NKAIN2: variants seen among roughly 807,000 people sequenced by gnomAD.
NKAIN2 encodes sodium/potassium-transporting ATPase subunit beta-1-interacting protein 2.
In NKAIN2, 14 loss-of-function variants were observed where a neutral mutation model predicts 32.6. The observed-to-expected ratio is 0.43, with a 90% CI of 0.28 to 0.67. NKAIN2 has a LOEUF of 0.67. Ranked by LOEUF, NKAIN2 falls within the 30% of genes least tolerant of loss-of-function variation. The pLI is 0.17. For synonymous variants in NKAIN2, 80 were observed against 87.2 expected, an observed-to-expected ratio of 0.92 and a Z score of 0.46; for missense variants, 198 against 258.3, an observed-to-expected ratio of 0.77 and a Z score of 1.60.
In NKAIN2 at chr6:124,160,423, A is replaced by C. The variant is rs540500269; in HGVS notation, c.55-122582A>C. On this transcript the variant is annotated intron_variant, in intron 1 of 6. Transcript: ENST00000368417. ...CCTTGAAAGAGCTGTATGTGGGAAC[A>C]ACTGTATTTTCTACATTAAATTTAT... 7.9e-5 allele frequency among the ~76,000 whole-genome samples: 12 copies of C among 152,282 alleles called. No individual in the cohort carries two copies. In the East Asian group the frequency reaches 1.9e-3, roughly 25 times the overall value.
chr6:124,359,933 T>G (rs1389957981), intron 3 of NKAIN2, among the ~76,000 whole-genome samples: 1 of 152,154 alleles, frequency 6.6e-6, no homozygotes, highest in Admixed American at 6.5e-5. Context: ...TCTTATTATT[T>G]TGAGATATGT....
At chr6:124,760,597 AT>A (rs1295445204) in intron 4 of NKAIN2, among the ~76,000 whole-genome samples, 2 of 151,618 alleles carry the variant, frequency 1.3e-5, no homozygotes, top group East Asian at 1.9e-4. Flanking sequence ...CCAATACCAG[AT>A]TTTTTTTGCT....
At chr6:124,667,414 G>A (rs1772858949) in intron 4 of NKAIN2, among the ~76,000 whole-genome samples, 1 of 151,902 alleles carries the variant, frequency 6.6e-6, no homozygotes, top group Non-Finnish European at 1.5e-5. Flanking sequence ...AATTATTTCA[G>A]GAAGAAGTGA....
chr6:124,613,872 G>A (rs1161299253), intron 3 of NKAIN2, among the ~76,000 whole-genome samples: 1 of 152,078 alleles, frequency 6.6e-6, no homozygotes, highest in African/African-American at 2.4e-5. Context: ...AAACCTAGAA[G>A]ATGCCATTAA....
chr6:124,645,733 G>T (rs924128181), intron 3 of NKAIN2, among the ~76,000 whole-genome samples: 1 of 152,096 alleles, frequency 6.6e-6, no homozygotes, highest in Non-Finnish European at 1.5e-5. Context: ...TTTAAGGAAG[G>T]CTCCAACATG....
intron 2 of NKAIN2, among the ~76,000 whole-genome samples, chr6:124,344,401 G>C (rs1395348179): frequency 2.6e-5 from 4 of 151,750 alleles, no homozygotes; most frequent in Non-Finnish European, 4.4e-5. Flanking sequence ...GGATGGCATT[G>C]AATCTATAAA....
Position 124,698,809 on chromosome 6 carries a change from T to A in NKAIN2, c.474+40423T>A, listed in dbSNP as rs554621410. ...ATTTACAAAACGTAGGGGGAAGTTATTTAGGAACAAGAGAATTTCCACAGA... is the reference window on the plus strand; with the variant it reads ...ATTTACAAAACGTAGGGGGAAGTTAATTAGGAACAAGAGAATTTCCACAGA... On this transcript the variant is annotated intron_variant, in intron 4 of 6. Transcript: ENST00000368417. Among the ~76,000 whole-genome samples, 3 of 152,326 alleles carry A rather than the reference T, an allele frequency of 2.0e-5. No individual in the cohort carries two copies. In the South Asian group the frequency reaches 6.2e-4, roughly 32 times the overall value.
chr6:124,500,759 T>C (rs868707866), intron 3 of NKAIN2, among the ~76,000 whole-genome samples: 50 of 152,128 alleles, frequency 3.3e-4, no homozygotes, highest in African/African-American at 1.1e-3. Flanking sequence ...TATAGTCACG[T>C]GCTGGATTGT....
chr6:124,438,451 C>T (rs1246609616), intron 3 of NKAIN2, among the ~76,000 whole-genome samples: 1 of 152,156 alleles, frequency 6.6e-6, no homozygotes, highest in Non-Finnish European at 1.5e-5. Flanking sequence ...CAACCTCTAA[C>T]TTAAACTCAG....
At chr6:124,415,682 T>C (rs1277975942) in intron 3 of NKAIN2, among the ~76,000 whole-genome samples, 1 of 152,118 alleles carries the variant, frequency 6.6e-6, no homozygotes. Flanking sequence ...GTAACCAGCC[T>C]TCATCCTGAA....
At chr6:124,592,860 T>G (rs1781960564) in intron 3 of NKAIN2, among the ~76,000 whole-genome samples, 1 of 152,180 alleles carries the variant, frequency 6.6e-6, no homozygotes, top group South Asian at 2.1e-4. Flanking sequence ...GGGCATGGAA[T>G]ATGAACTCAA....
chr6:124,198,945 CT>C (rs1790465269), intron 1 of NKAIN2, among the ~76,000 whole-genome samples: 2 of 152,120 alleles, frequency 1.3e-5, no homozygotes, highest in African/African-American at 4.8e-5. Context: ...GTGTGGGACA[CT>C]TTGCGCCTTT....
At chr6:124,533,471 C>CAAACAAAAAAAAAAA (rs1779602376) in intron 3 of NKAIN2, among the ~76,000 whole-genome samples, 1 of 58,982 alleles carries the variant, frequency 1.7e-5, no homozygotes, top group Non-Finnish European at 3.0e-5. Context: ...GACTCTGTCT[C>CAAACAAAAAAAAAAA]AAAAAAAAAA....
At chr6:124,007,058 A>G (rs979265656) in intron 1 of NKAIN2, among the ~76,000 whole-genome samples, 1 of 152,168 alleles carries the variant, frequency 6.6e-6, no homozygotes, top group South Asian at 2.1e-4. Flanking sequence ...AAAAACCTCA[A>G]TGGAATTGCC....
chr6:124,490,309 A>G (rs1562217531), intron 3 of NKAIN2: 1 of 410,498 alleles, frequency 2.4e-6, no homozygotes, highest in Non-Finnish European at 4.7e-6. Flanking sequence ...ACCACCAATT[A>G]GAGAATGACA....
intron 5 of NKAIN2, among the ~76,000 whole-genome samples, chr6:124,811,426 T>C (rs1172877773): frequency 6.6e-6 from 1 of 152,172 alleles, no homozygotes; most frequent in Non-Finnish European, 1.5e-5. Context: ...GAACTCAGTG[T>C]TCATGATTAA....
chr6:124,325,773 T>C (rs1256031984), intron 2 of NKAIN2, among the ~76,000 whole-genome samples: 1 of 152,132 alleles, frequency 6.6e-6, no homozygotes, highest in East Asian at 1.9e-4. Flanking sequence ...TATGTCCTAA[T>C]GTGGGTGCTG....
intron 5 of NKAIN2, among the ~76,000 whole-genome samples, chr6:124,814,580 C>T (rs939725195): frequency 4.6e-5 from 7 of 152,062 alleles, no homozygotes; most frequent in African/African-American, 1.7e-4. Context: ...GGTTGTAAGC[C>T]ATCTCTCTCT....
intron 1 of NKAIN2, among the ~76,000 whole-genome samples, chr6:124,142,256 A>G (rs1208929549): frequency 1.3e-5 from 2 of 152,074 alleles, no homozygotes; most frequent in East Asian, 1.9e-4. Context: ...TGAAATTCTT[A>G]TATCTTTTTG....
Sources: gnomAD v4.1 joint callset for allele counts (sites outside exome capture counted in the v4.1 genomes callset) on GRCh38, gnomAD v4.1.1 for gene constraint, MANE v1.5 for transcripts, NCBI Gene and HGNC (gene_info 2026-07-23, HGNC 2026-07-21) for gene names.